Variants in ARHGEF38 observed in about 807,000 individuals in gnomAD.
ARHGEF38 encodes Rho guanine nucleotide exchange factor 38, also known as Rho guanine nucleotide exchange factor (GEF) 38.
Under a neutral mutation model 79.9 loss-of-function variants are expected in ARHGEF38, and 79 were observed. That is an observed-to-expected ratio of 0.99 (90% confidence interval 0.82 to 1.19). The LOEUF is 1.19. Ranked by LOEUF, ARHGEF38 falls within the 50% of genes most tolerant of loss-of-function variation. ARHGEF38 has a pLI of 0.00. For synonymous variants in ARHGEF38, 366 were observed against 328.3 expected (o/e 1.11, Z -1.24); for missense variants, 962 against 907.2 (o/e 1.06, Z -0.78).
At chr4:105,658,176 G>A (rs1730412969) in intron 9 of ARHGEF38, among the ~76,000 whole-genome samples, 1 of 152,176 alleles carries the variant, frequency 6.6e-6, no homozygotes, top group Non-Finnish European at 1.5e-5. Flanking sequence ...TGTAGGCCAA[G>A]GTGAGAGGAT....
intron 5 of ARHGEF38, among the ~76,000 whole-genome samples, chr4:105,644,016 G>A (rs1729732348): frequency 6.6e-6 from 1 of 151,198 alleles, no homozygotes; most frequent in African/African-American, 2.4e-5. Flanking sequence ...ACAGGTGCCT[G>A]CCACCATGCC....
chr4:105,552,684 T>C lies in ARHGEF38; in HGVS notation c.-82T>C, dbSNP rs1725051208. 1 of 1,194,370 alleles carries C rather than the reference T, an allele frequency of 8.4e-7. No homozygotes were observed. The highest frequency in any genetic ancestry group is 1.2e-6 in the Non-Finnish European group (1 of 848,364). 74.0% of individuals were successfully genotyped at this position (1,194,370 alleles called of 1,614,324 possible). On this transcript the variant is annotated 5_prime_UTR_variant, in exon 1 of 14. Coordinates refer to ENST00000420470, the MANE Select transcript of ARHGEF38 (RefSeq NM_001242729.2). Reference sequence around the variant, plus strand: ...AGAAGGGAGCAGATAAACTCGTCACTCTAGTAGCTTTAACCCTCACCCTGA... The same window carrying C: ...AGAAGGGAGCAGATAAACTCGTCACCCTAGTAGCTTTAACCCTCACCCTGA...
At position 105,679,123 on chromosome 4, in the gene ARHGEF38, G is replaced by T; in HGVS notation, c.*1186G>T. On this transcript the variant is annotated 3_prime_UTR_variant, in exon 14 of 14. Transcript: ENST00000420470. ...CCACTTCGTCTTCTACCATCTTGCCGACTTTCCTGAGCAACTGCTTTGTCG... is the reference window on the plus strand; with the variant it reads ...CCACTTCGTCTTCTACCATCTTGCCTACTTTCCTGAGCAACTGCTTTGTCG... 2 of 600,990 alleles carry T rather than the reference G, an allele frequency of 3.3e-6. No individual in the cohort carries two copies. The highest frequency in any genetic ancestry group is 6.6e-5 in the South Asian group (2 of 30,350). The allele number at this position is 600,990 out of a possible 1,614,324, so 37.2% of individuals were successfully genotyped here.
chr4:105,565,637 A>G (rs1304075817), intron 1 of ARHGEF38, among the ~76,000 whole-genome samples: 1 of 152,182 alleles, frequency 6.6e-6, no homozygotes, highest in African/African-American at 2.4e-5. Flanking sequence ...AGTGTTGGTC[A>G]GAAGTTCTGA....
At chr4:105,568,310 G>C (rs987693023) in intron 1 of ARHGEF38, among the ~76,000 whole-genome samples, 2 of 151,596 alleles carry the variant, frequency 1.3e-5, no homozygotes, top group African/African-American at 4.9e-5. Flanking sequence ...ACACCAGTTA[G>C]AATGGCAATC....
chr4:105,645,177 C>T lies in ARHGEF38; in HGVS notation c.675-11C>T. 1 of 1,415,710 alleles carries T rather than the reference C, an allele frequency of 7.1e-7. No individual in the cohort carries two copies. Among genetic ancestry groups the T allele is most frequent in the South Asian group, 1.6e-5 (1 of 62,402 alleles). The allele number at this position is 1,415,710 out of a possible 1,614,324, so 87.7% of individuals were successfully genotyped here. On this transcript the variant is annotated splice_polypyrimidine_tract_variant and intron_variant, in intron 5 of 13. Coordinates refer to ENST00000420470, the MANE Select transcript of ARHGEF38 (RefSeq NM_001242729.2). ...TGTTTGTGAAACTGATATTATTTAT[C>T]TGTATTGTAGAGGCAAACCAAACTT...
chr4:105,647,879 T>G (rs773824028), intron 6 of ARHGEF38, among the ~76,000 whole-genome samples: 2 of 150,628 alleles, frequency 1.3e-5, no homozygotes, highest in Non-Finnish European at 1.5e-5. Flanking sequence ...GTCTTGTCTT[T>G]TCTTTTCTAT....
intron 9 of ARHGEF38, among the ~76,000 whole-genome samples, chr4:105,656,245 G>A (rs553975439): frequency 3.3e-5 from 5 of 151,856 alleles, no homozygotes; most frequent in Admixed American, 1.3e-4. Flanking sequence ...TTGTAGAGGC[G>A]GGGTTTCACC....
Position 105,680,298 on chromosome 4 carries a change from A to C in ARHGEF38, c.*2361A>C, listed in dbSNP as rs1487563075. 3.0e-6 allele frequency: 1 copy of C among 331,304 alleles called. No individual in the cohort carries two copies. The highest frequency in any genetic ancestry group is 7.0e-5 in the East Asian group (1 of 14,278). The allele number at this position is 331,304 out of a possible 1,614,324, so 20.5% of individuals were successfully genotyped here. A position where few individuals can be genotyped will look rare whatever the true frequency, so the allele number is the denominator to read the frequency against. On this transcript the variant is annotated 3_prime_UTR_variant, in exon 14 of 14. Coordinates refer to ENST00000420470, the MANE Select transcript of ARHGEF38 (RefSeq NM_001242729.2). ...AATGATAGTCACCACATATCTACTA[A>C]TGGGATTAAAATGTACAATCCTAAA...
chr4:105,660,358 A>G (rs1428707575), intron 10 of ARHGEF38, among the ~76,000 whole-genome samples: 3 of 152,056 alleles, frequency 2.0e-5, no homozygotes, highest in Non-Finnish European at 4.4e-5. Context: ...CATATTATAT[A>G]TACCATTCTG....
At chr4:105,595,444 A>G (rs935111564) in intron 2 of ARHGEF38, among the ~76,000 whole-genome samples, 1 of 152,236 alleles carries the variant, frequency 6.6e-6, no homozygotes, top group African/African-American at 2.4e-5. Flanking sequence ...CTATATGGCA[A>G]CATTATATAA....
At chr4:105,681,371 A>G (rs570843740), downstream of ARHGEF38, among the ~76,000 whole-genome samples, 1 of 152,232 alleles carries the variant, frequency 6.6e-6, no homozygotes, top group South Asian at 2.1e-4. Context: ...TAATGATGTT[A>G]GAAAAACCTA....
intron 5 of ARHGEF38, among the ~76,000 whole-genome samples, chr4:105,643,109 A>G (rs1729688690): frequency 6.6e-6 from 1 of 151,416 alleles, no homozygotes; most frequent in Non-Finnish European, 1.5e-5. Context: ...ATCAGTTAGA[A>G]AATATCTTTT....
intron 6 of ARHGEF38, among the ~76,000 whole-genome samples, chr4:105,646,198 A>G (rs1159470954): frequency 6.6e-6 from 1 of 152,212 alleles, no homozygotes; most frequent in Admixed American, 6.5e-5. Context: ...CAAAAGTCAT[A>G]TATTTGTATT....
intron 10 of ARHGEF38, among the ~76,000 whole-genome samples, chr4:105,661,537 G>A (rs1176494628): frequency 2.7e-5 from 4 of 148,510 alleles, no homozygotes; most frequent in Non-Finnish European, 6.0e-5. Flanking sequence ...TATCCTAATG[G>A]GTGTGCAGTG....
chr4:105,679,840 AG>A lies in ARHGEF38; in HGVS notation c.*1905del, dbSNP rs1731250466. The A allele has an allele frequency of 3.3e-5, 46 of 1,382,486 alleles. No homozygotes were observed. Among genetic ancestry groups the A allele is most frequent in the Non-Finnish European group, 4.2e-5 (41 of 974,250 alleles). The allele number at this position is 1,382,486 out of a possible 1,614,324, so 85.6% of individuals were successfully genotyped here. A position where few individuals can be genotyped will look rare whatever the true frequency, so the allele number is the denominator to read the frequency against. On this transcript the variant is annotated 3_prime_UTR_variant, in exon 14 of 14. Coordinates refer to ENST00000420470, the MANE Select transcript of ARHGEF38 (RefSeq NM_001242729.2). ...GGATATAGGACTCAATATCCTGAGGAGGAGAACTTTGAATCACCAGGTCAAC... is the reference window on the plus strand; with the variant it reads ...GGATATAGGACTCAATATCCTGAGGAGAGAACTTTGAATCACCAGGTCAAC...
At chr4:105,672,018 G>C (rs1216181324) in intron 13 of ARHGEF38, among the ~76,000 whole-genome samples, 1 of 152,086 alleles carries the variant, frequency 6.6e-6, no homozygotes. Context: ...CTCATACTCA[G>C]GGGGTATCTT....
At chr4:105,677,181 T>G (rs920635686) in intron 13 of ARHGEF38, among the ~76,000 whole-genome samples, 1 of 152,160 alleles carries the variant, frequency 6.6e-6, no homozygotes, top group Non-Finnish European at 1.5e-5. Context: ...GTCATGCTGG[T>G]CTTGTACTAC....
chr4:105,627,640 T>C (rs1729002283), intron 3 of ARHGEF38, among the ~76,000 whole-genome samples: 1 of 152,182 alleles, frequency 6.6e-6, no homozygotes, highest in South Asian at 2.1e-4. Flanking sequence ...TAGTTTTATT[T>C]ATTTTACAGG....
Sources: allele counts gnomAD v4.1 joint callset (sites outside exome capture counted in the v4.1 genomes callset), GRCh38; gene constraint gnomAD v4.1.1; transcripts MANE v1.5; gene names NCBI Gene and HGNC (gene_info 2026-07-23, HGNC 2026-07-21).